The following RABGAP1 variants were observed in gnomAD, a reference collection of about 807,000 sequenced individuals.
RABGAP1 encodes rab GTPase-activating protein 1.
Under a neutral mutation model 137.6 loss-of-function variants are expected in RABGAP1, and 23 were observed. The observed-to-expected ratio is 0.17, with a 90% CI of 0.12 to 0.24. The LOEUF is 0.24. Ranked by LOEUF, RABGAP1 falls within the 10% of genes least tolerant of loss-of-function variation. The pLI is 1.00. For missense variants in RABGAP1, 906 were observed against 1,275.8 expected, an observed-to-expected ratio of 0.71 and a Z score of 4.42; for synonymous variants, 451 against 450.7, an observed-to-expected ratio of 1.00 and a Z score of -0.01.
chr9:123,035,257 C>A (rs999045682), intron 13 of RABGAP1: 1 of 1,614,116 alleles, frequency 6.2e-7, no homozygotes, highest in Admixed American at 1.7e-5. Flanking sequence ...AAGGCAAGCC[C>A]GCTTCAGCAG....
intron 10 of RABGAP1, among the ~76,000 whole-genome samples, chr9:123,007,111 A>G (rs948392833): frequency 2.0e-5 from 3 of 150,292 alleles, no homozygotes; most frequent in African/African-American, 7.3e-5. Context: ...TTTTAGACAG[A>G]GTCTCACTAT....
chr9:123,035,102 A>G, intron 13 of RABGAP1: 1 of 1,614,082 alleles, frequency 6.2e-7, no homozygotes, highest in South Asian at 1.1e-5. Context: ...GATGTGTTTC[A>G]GTGGTGTGCG....
At chr9:122,969,815 A>G (rs888811244) in intron 2 of RABGAP1, among the ~76,000 whole-genome samples, 1 of 152,162 alleles carries the variant, frequency 6.6e-6, no homozygotes, top group African/African-American at 2.4e-5. Context: ...ATCCTCCCAC[A>G]CTGACCTCCT....
intron 17 of RABGAP1, among the ~76,000 whole-genome samples, chr9:123,075,230 G>A (rs180892891): frequency 1.1e-4 from 17 of 152,062 alleles, no homozygotes; most frequent in Admixed American, 4.6e-4. Context: ...TTTTTTATGT[G>A]TTCATATATG....
chr9:123,072,769 T>C (rs1001726755), intron 15 of RABGAP1, among the ~76,000 whole-genome samples: 2 of 152,244 alleles, frequency 1.3e-5, no homozygotes, highest in South Asian at 4.1e-4. Context: ...TTCTTCTCAG[T>C]GATTTCTGTG....
At chr9:123,004,332 G>T (rs1322466125) in intron 10 of RABGAP1, among the ~76,000 whole-genome samples, 2 of 151,804 alleles carry the variant, frequency 1.3e-5, no homozygotes, top group Non-Finnish European at 2.9e-5. Context: ...CTGCAGCCCA[G>T]CCTGGAGTGC....
intron 1 of RABGAP1, among the ~76,000 whole-genome samples, chr9:122,951,446 G>A (rs572868029): frequency 8.6e-5 from 13 of 152,008 alleles, no homozygotes; most frequent in African/African-American, 3.1e-4. Context: ...TTTTAAAAAA[G>A]TAAACACTGA....
At chr9:123,055,313 C>A (rs190012934) in intron 13 of RABGAP1, among the ~76,000 whole-genome samples, 1 of 152,186 alleles carries the variant, frequency 6.6e-6, no homozygotes, top group Non-Finnish European at 1.5e-5. Flanking sequence ...CACCTCAGCC[C>A]CCTGAGTAGC....
At chr9:123,081,611 T>A (rs894248313) in intron 19 of RABGAP1, among the ~76,000 whole-genome samples, 1 of 152,102 alleles carries the variant, frequency 6.6e-6, no homozygotes, top group Non-Finnish European at 1.5e-5. Flanking sequence ...CTAATTTTTT[T>A]TTTTTATTTT....
chr9:123,095,178 G>T (rs896939559), intron 21 of RABGAP1, among the ~76,000 whole-genome samples: 3 of 128,858 alleles, frequency 2.3e-5, no homozygotes, highest in Non-Finnish European at 4.6e-5. Context: ...AGTGAACCGA[G>T]ATCATGCCAC....
intron 1 of RABGAP1, among the ~76,000 whole-genome samples, chr9:122,949,114 G>A (rs181541591): frequency 3.9e-5 from 6 of 152,044 alleles, no homozygotes; most frequent in African/African-American, 7.2e-5. Context: ...GGTGGCTCAC[G>A]CTTGTAATCC....
At chr9:123,026,786 C>T (rs1038067417) in intron 13 of RABGAP1, among the ~76,000 whole-genome samples, 3 of 152,214 alleles carry the variant, frequency 2.0e-5, no homozygotes, top group Admixed American at 6.5e-5. Flanking sequence ...GAATCCTCTT[C>T]TGTCCCTTCT....
At chr9:123,052,465 GAATT>G (rs1311173930) in intron 13 of RABGAP1, among the ~76,000 whole-genome samples, 2 of 152,194 alleles carry the variant, frequency 1.3e-5, no homozygotes, top group Non-Finnish European at 2.9e-5. Context: ...ATCCTTTTGA[GAATT>G]AATTTATTCA....
At chr9:123,035,280 G>T (rs751500445) in intron 13 of RABGAP1, 2 of 1,614,178 alleles carry the variant, frequency 1.2e-6, no homozygotes, top group South Asian at 1.1e-5. Context: ...AGAGTGGGGA[G>T]ACTGGGGAAG....
intron 17 of RABGAP1, among the ~76,000 whole-genome samples, chr9:123,074,654 G>C (rs1000997052): frequency 2.0e-5 from 3 of 152,224 alleles, no homozygotes; most frequent in Non-Finnish European, 2.9e-5. Flanking sequence ...ATTTGTATTA[G>C]TTCATATTAG....
chr9:122,943,984 G>A (rs1404054501), intron 1 of RABGAP1, among the ~76,000 whole-genome samples: 1 of 152,074 alleles, frequency 6.6e-6, no homozygotes, highest in Non-Finnish European at 1.5e-5. Context: ...TTTTTATTCA[G>A]TATATTTCCA....
chr9:123,040,998 A>G (rs918851760), intron 13 of RABGAP1, among the ~76,000 whole-genome samples: 3 of 152,138 alleles, frequency 2.0e-5, no homozygotes, highest in Admixed American at 6.5e-5. Context: ...CTTTTGTAGT[A>G]TATCATATTG....
At chr9:122,932,864 GTTGT>G in the RABGAP1 span, among the ~76,000 whole-genome samples, 2 of 151,546 alleles carry the variant, frequency 1.3e-5, no homozygotes, top group African/African-American at 2.4e-5. Context: ...TGTTAAGAGT[GTTGT>G]TTAACTTTCA....
At chr9:123,029,716 C>G in intron 13 of RABGAP1, 8 of 653,606 alleles carry the variant, frequency 1.2e-5, no homozygotes, top group South Asian at 9.5e-5. Flanking sequence ...GGCTGACTTT[C>G]CAGTGTCTGT....
Sources: gnomAD v4.1 joint callset for allele counts (sites outside exome capture counted in the v4.1 genomes callset) on GRCh38, gnomAD v4.1.1 for gene constraint, MANE v1.5 for transcripts, NCBI Gene and HGNC (gene_info 2026-07-23, HGNC 2026-07-21) for gene names.